The following SYTL2 variants were observed in gnomAD, a reference collection of about 807,000 sequenced individuals.
SYTL2 encodes the protein synaptotagmin like 2.
SYTL2 carries 165 observed loss-of-function variants against 198.7 expected under a neutral mutation model. The ratio of observed to expected loss-of-function variants is 0.83; its 90% confidence interval spans 0.73 to 0.94. The LOEUF (loss-of-function observed/expected upper bound fraction) is 0.94, where lower values mean the gene tolerates loss of function less well. Ranked by LOEUF, SYTL2 falls within the 40% of genes least tolerant of loss-of-function variation. The probability of loss-of-function intolerance (pLI) is 0.00; values close to 1 mark genes in which losing one functional copy is unlikely to be tolerated. For synonymous variants in SYTL2, 966 were observed against 917.7 expected (o/e 1.05, Z -0.95); for missense variants, 2,835 against 2,582.8 (o/e 1.10, Z -2.12).
chr11:85,726,678 C>G lies in SYTL2; in HGVS notation c.2680G>C (p.Ala894Pro), dbSNP rs1371717197. ...IAGPSRYYLSAEQSDKVSLFQ... is the reference protein window; with the variant it reads ...IAGPSRYYLSPEQSDKVSLFQ... Reference sequence around the variant, plus strand: ...AGAGACACTTTATCTGATTGCTCAGCTGAAAGATAGTATCTGGATGGACCT... The same window carrying G: ...AGAGACACTTTATCTGATTGCTCAGGTGAAAGATAGTATCTGGATGGACCT... Residue 894 changes from alanine to proline, a missense_variant, in exon 8 of 20, where the codon GCT (alanine) becomes CCT (proline). Physicochemically the swap from Ala to Pro is conservative, Grantham distance 27 (BLOSUM62 -1). Coordinates refer to ENST00000359152, the MANE Select transcript of SYTL2 (RefSeq NM_206927.4). The G allele has an allele frequency of 6.5e-7, 1 of 1,536,398 alleles. No individual in the cohort carries two copies. Among genetic ancestry groups the G allele is most frequent in the Admixed American group, 2.0e-5 (1 of 51,010 alleles).
At position 85,728,063 on chromosome 11, in the gene SYTL2, T is replaced by C. The variant is rs998789851; in HGVS notation, c.1391-96A>G. 1.8e-6 allele frequency: 2 copies of C among 1,110,596 alleles called. 1 individual carries two copies. Among genetic ancestry groups the C allele is most frequent in the South Asian group, 3.4e-5 (2 of 59,484 alleles). 68.8% of individuals were successfully genotyped at this position (1,110,596 alleles called of 1,614,324 possible). On this transcript the variant is annotated intron_variant, in intron 7 of 19. Coordinates refer to ENST00000359152, the MANE Select transcript of SYTL2 (RefSeq NM_206927.4). The stretch of plus-strand genomic sequence containing the variant: ...CATCTTTATAAAAGCACTTTGTATT[T>C]GCACTTTCTATACCAATAGCTGTTT...
At chr11:85,828,772 A>G in the SYTL2 span, among the ~76,000 whole-genome samples, 1 of 152,262 alleles carries the variant, frequency 6.6e-6, no homozygotes, top group Non-Finnish European at 1.5e-5. Context: ...CGGAGACTAC[A>G]TGATTTGTCC....
intron 1 of SYTL2, among the ~76,000 whole-genome samples, chr11:85,788,620 G>C (rs1171667035): frequency 6.6e-6 from 1 of 152,042 alleles, no homozygotes; most frequent in African/African-American, 2.4e-5. Context: ...AGTTCATCCA[G>C]GTTTCTAAGG....
At chr11:85,779,562 C>A (rs1475797661) in intron 1 of SYTL2, among the ~76,000 whole-genome samples, 1 of 151,500 alleles carries the variant, frequency 6.6e-6, no homozygotes, top group African/African-American at 2.4e-5. Flanking sequence ...TTACTATCTA[C>A]AAACTGACAT....
At position 85,695,312 on chromosome 11, in the gene SYTL2, C is replaced by G. The variant is rs778938239; in HGVS notation, c.6603G>C (p.Trp2201Cys). The G allele has an allele frequency of 6.2e-7, 1 of 1,606,832 alleles. No individual in the cohort carries two copies. The highest frequency in any genetic ancestry group is 8.5e-7 in the Non-Finnish European group (1 of 1,175,536). ...TGKSYGTEVD[W>C]MDSTSEEVAL... ...CAACTTCCTCTGAAGTAGAGTCCAT[C>G]CAGTCCACTTCAGTCCCATAACTTT... is the stretch of plus-strand genomic sequence containing the variant. Residue 2201 changes from tryptophan (W) to cysteine (C), a missense_variant, in exon 20 of 20, where the codon TGG (tryptophan) becomes TGC (cysteine). By Grantham distance (215) the Trp-to-Cys change is radical (BLOSUM62 -2). Transcript: ENST00000359152.
At chr11:85,760,001 C>G (rs1023091956) in intron 1 of SYTL2, among the ~76,000 whole-genome samples, 2 of 152,188 alleles carry the variant, frequency 1.3e-5, no homozygotes, top group Non-Finnish European at 2.9e-5. Context: ...AAGAATTCAT[C>G]CCTATCCTCC....
rs201327473 is a variant in SYTL2, at chr11:85,734,607, A to G, written c.722T>C (p.Met241Thr). ...IKAPIPKARK[M>T]IYKSTDLNKD... ...GTTTAAATCAGTTGATTTGTAGATC[A>G]TCTTCCTGGCTTTGGGGATTGGAGC... is the stretch of plus-strand genomic sequence containing the variant. The change falls in exon 7 of 20, where the codon ATG becomes ACG. Residue 241 changes from methionine (M) to threonine (T), a missense_variant. Transcript: ENST00000359152. 63 of 1,614,052 alleles carry G rather than the reference A, an allele frequency of 3.9e-5. No individual in the cohort carries two copies. The highest frequency in any genetic ancestry group is 1.6e-4 in the Middle Eastern group (1 of 6,084).
intron 1 of SYTL2, among the ~76,000 whole-genome samples, chr11:85,805,213 G>T (rs12286043): frequency 6.6e-6 from 1 of 151,650 alleles, no homozygotes; most frequent in Non-Finnish European, 1.5e-5. Context: ...AAAAAGGGCC[G>T]AGTGTGGTGG....
the SYTL2 span, among the ~76,000 whole-genome samples, chr11:85,841,497 G>C: frequency 6.6e-6 from 1 of 152,336 alleles, no homozygotes; most frequent in Non-Finnish European, 1.5e-5. Flanking sequence ...CCATAAGGAA[G>C]AATAAGATCT....
intron 2 of SYTL2, 36 bp downstream of exon 2, chr11:85,757,589 C>A (rs746388171): frequency 6.2e-7 from 1 of 1,608,084 alleles, no homozygotes; most frequent in Admixed American, 1.7e-5. Flanking sequence ...ACTGCCTCTT[C>A]CTTCCCTCAT....
intron 1 of SYTL2, among the ~76,000 whole-genome samples, chr11:85,778,803 C>A (rs1353745843): frequency 6.6e-6 from 1 of 152,082 alleles, no homozygotes; most frequent in Non-Finnish European, 1.5e-5. Context: ...GTGGCAAAAC[C>A]CTATCTCTAC....
At chr11:85,845,534 G>A in the SYTL2 span, among the ~76,000 whole-genome samples, 11 of 152,100 alleles carry the variant, frequency 7.2e-5, no homozygotes, top group Non-Finnish European at 1.2e-4. Context: ...AGACTGAGGC[G>A]GGAGGATCAC....
intron 1 of SYTL2, among the ~76,000 whole-genome samples, chr11:85,809,960 T>C (rs957036581): frequency 1.1e-4 from 16 of 152,216 alleles, no homozygotes; most frequent in Admixed American, 7.9e-4. Context: ...TCCTACTCTA[T>C]CTGGCTGCTC....
At position 85,757,662 on chromosome 11, in the gene SYTL2, C is replaced by T. The variant is rs777270288; in HGVS notation, c.64G>A (p.Asp22Asn). ...QEAIMKVLQR[D>N]AALKRAEEER... ...TCTTCGGCCCTCTTCAGAGCAGCAT[C>T]CCGCTGCAAAACCTTCATGATGGCC... Residue 22 changes from aspartate (D) to asparagine (N), a missense_variant, in exon 2 of 20, where the codon GAT becomes AAT. Transcript: ENST00000359152. 2.2e-5 allele frequency: 36 copies of T among 1,613,742 alleles called. No individual in the cohort carries two copies. The highest frequency in any genetic ancestry group is 3.1e-5 in the Non-Finnish European group (36 of 1,179,934).
intron 1 of SYTL2, among the ~76,000 whole-genome samples, chr11:85,760,313 T>C (rs2092061631): frequency 6.6e-6 from 1 of 152,220 alleles, no homozygotes; most frequent in South Asian, 2.1e-4. Context: ...TGTTATACGA[T>C]ACTCCCGCAG....
At chr11:85,828,358 T>C in the SYTL2 span, among the ~76,000 whole-genome samples, 1 of 152,204 alleles carries the variant, frequency 6.6e-6, no homozygotes, top group Non-Finnish European at 1.5e-5. Flanking sequence ...TTAAGAAAAA[T>C]GATCTCTTTA....
intron 1 of SYTL2, among the ~76,000 whole-genome samples, chr11:85,790,517 TGAG>T (rs926403683): frequency 2.0e-5 from 3 of 152,066 alleles, no homozygotes; most frequent in African/African-American, 7.2e-5. Flanking sequence ...AGAGAAGAGG[TGAG>T]GAGAAGTATA....
chr11:85,730,062 A>G (rs1225536633), intron 7 of SYTL2, among the ~76,000 whole-genome samples: 1 of 152,226 alleles, frequency 6.6e-6, no homozygotes, highest in Non-Finnish European at 1.5e-5. Context: ...GAATCCCTGA[A>G]TAGACCAATA....
At position 85,757,907 on chromosome 11, in the gene SYTL2, T is replaced by G; in HGVS notation, c.-182A>C. On this transcript the variant is annotated 5_prime_UTR_variant, in exon 2 of 20. Transcript: ENST00000359152. ...GGGCAGCTGATAGCAAGATCCTAAGTGCTCTTTCCCATGAGGAAGTCCTGG... is the reference window on the plus strand; with the variant it reads ...GGGCAGCTGATAGCAAGATCCTAAGGGCTCTTTCCCATGAGGAAGTCCTGG... 1.4e-6 allele frequency: 1 copy of G among 723,548 alleles called. No individual in the cohort carries two copies. The highest frequency in any genetic ancestry group is 2.2e-6 in the Non-Finnish European group (1 of 450,412). 44.8% of individuals were successfully genotyped at this position (723,548 alleles called of 1,614,324 possible).
Sources: gnomAD v4.1 joint callset for allele counts (sites outside exome capture counted in the v4.1 genomes callset) on GRCh38, gnomAD v4.1.1 for gene constraint, MANE v1.5 for transcripts, NCBI Gene and HGNC (gene_info 2026-07-23, HGNC 2026-07-21) for gene names.